Variants in CPVL observed in about 807,000 individuals in gnomAD.
CPVL encodes carboxypeptidase vitellogenic like, also known as probable serine carboxypeptidase CPVL.
In CPVL, 51 loss-of-function variants were observed where a neutral mutation model predicts 63.7. The observed-to-expected ratio is 0.80, with a 90% confidence interval of 0.64 to 1.01. The LOEUF (loss-of-function observed/expected upper bound fraction) is 1.01. Ranked by LOEUF, CPVL falls within the 50% of genes least tolerant of loss-of-function variation. CPVL has a pLI of 0.00. For synonymous variants in CPVL, 195 were observed against 206.0 expected (o/e 0.95, Z 0.46); for missense variants, 530 against 573.1 (o/e 0.92, Z 0.77).
chr7:29,183,511 G>C (rs1321096766), intron 4 of CPVL, among the ~76,000 whole-genome samples: 1 of 151,658 alleles, frequency 6.6e-6, no homozygotes, highest in Non-Finnish European at 1.5e-5. Context: ...CAAGTAGCTG[G>C]GTTTACAAGT....
chr7:29,125,250 C>G (rs575583850), intron 1 of CPVL, among the ~76,000 whole-genome samples: 1 of 152,230 alleles, frequency 6.6e-6, no homozygotes, highest in African/African-American at 2.4e-5. Context: ...ATTAAATGTT[C>G]ATGTGGTCCA....
intron 11 of CPVL, among the ~76,000 whole-genome samples, chr7:29,057,218 A>G (rs1187343787): frequency 1.3e-5 from 2 of 151,982 alleles, no homozygotes; most frequent in Admixed American, 1.3e-4. Context: ...GGCCTCCTGG[A>G]GTGCTGGGAT....
chr7:29,066,153 GA>G (rs763964649), intron 9 of CPVL, 32 bp from the exon 10 acceptor site: 180 of 1,091,252 alleles, frequency 1.6e-4, no homozygotes, highest in South Asian at 8.3e-4. Flanking sequence ...AAGAAAGAAA[GA>G]AAGAAAACAT....
At chr7:29,029,743 G>A (rs376405248) in intron 12 of CPVL, among the ~76,000 whole-genome samples, 4 of 152,126 alleles carry the variant, frequency 2.6e-5, no homozygotes, top group African/African-American at 9.7e-5. Flanking sequence ...TAGCACAGTA[G>A]GGTGACTATA....
chr7:29,097,760 A>G (rs1786590438), intron 3 of CPVL, among the ~76,000 whole-genome samples: 1 of 152,160 alleles, frequency 6.6e-6, no homozygotes, highest in African/African-American at 2.4e-5. Flanking sequence ...GTGATTTAAG[A>G]GTCATTGGAG....
chr7:29,148,885 T>A (rs982662625), upstream of CPVL, among the ~76,000 whole-genome samples: 4 of 152,030 alleles, frequency 2.6e-5, no homozygotes, highest in African/African-American at 9.7e-5. Flanking sequence ...AGGGACCAAA[T>A]GACTCTGCCC....
intron 9 of CPVL, among the ~76,000 whole-genome samples, chr7:29,067,497 T>A (rs1783252895): frequency 6.6e-6 from 1 of 152,106 alleles, no homozygotes; most frequent in Admixed American, 6.5e-5. Context: ...ACTCCACCTA[T>A]GAACCAAGTG....
At chr7:29,062,646 G>T (rs752708955) in intron 11 of CPVL, among the ~76,000 whole-genome samples, 1 of 152,146 alleles carries the variant, frequency 6.6e-6, no homozygotes, top group Non-Finnish European at 1.5e-5. Flanking sequence ...ATTGGCCAGG[G>T]ACTGCCTGGA....
intron 5 of CPVL, among the ~76,000 whole-genome samples, chr7:29,155,066 C>G (rs1359989265): frequency 6.6e-6 from 1 of 152,100 alleles, no homozygotes; most frequent in African/African-American, 2.4e-5. Context: ...GACTTATTCA[C>G]TGTCAGGAGA....
At chr7:29,054,410 C>A (rs1790505194) in intron 11 of CPVL, among the ~76,000 whole-genome samples, 1 of 152,124 alleles carries the variant, frequency 6.6e-6, no homozygotes, top group African/African-American at 2.4e-5. Context: ...AAATGTAGTT[C>A]TAGATTGTTA....
At chr7:29,112,435 G>A (rs1788336726) in intron 3 of CPVL, among the ~76,000 whole-genome samples, 1 of 152,106 alleles carries the variant, frequency 6.6e-6, no homozygotes, top group Non-Finnish European at 1.5e-5. Flanking sequence ...GACTGTGGCA[G>A]GAAGAAGGTG....
chr7:29,003,567 CAAGT>C (rs979079298), intron 12 of CPVL, among the ~76,000 whole-genome samples: 3 of 152,122 alleles, frequency 2.0e-5, no homozygotes, highest in African/African-American at 7.2e-5. Context: ...TATGTGAACA[CAAGT>C]AAGGAGTATC....
intron 4 of CPVL, among the ~76,000 whole-genome samples, chr7:29,182,450 G>A (rs1798181668): frequency 1.3e-5 from 2 of 152,176 alleles, no homozygotes; most frequent in African/African-American, 4.8e-5. Flanking sequence ...AGAAAACGTA[G>A]AAAGTTGTAA....
intron 5 of CPVL, among the ~76,000 whole-genome samples, chr7:29,172,322 C>T (rs245909): frequency 0.67 from 102,323 of 152,062 alleles, 35,431 homozygotes; most frequent in East Asian, 0.99. Flanking sequence ...ATCCAGTTGA[C>T]CAACATTCTG....
intron 6 of CPVL, among the ~76,000 whole-genome samples, chr7:29,087,498 G>T (rs1244458498): frequency 6.6e-6 from 1 of 151,612 alleles, no homozygotes; most frequent in African/African-American, 2.4e-5. Context: ...CTCAAGGAGT[G>T]ATTTCATAAT....
In CPVL at chr7:29,072,050, T is replaced by C. The variant is rs916095483; in HGVS notation, c.733-146A>G. 8 of 961,204 alleles carry C rather than the reference T, an allele frequency of 8.3e-6. No individual in the cohort carries two copies. The Admixed American group carries it at 1.2e-4, about 14-fold the overall frequency. The allele number at this position is 961,204 out of a possible 1,614,324, so 59.5% of individuals were successfully genotyped here. A position where few individuals can be genotyped will look rare whatever the true frequency, so the allele number is the denominator to read the frequency against. ...GGATAATTACATGCACACACACATA[T>C]ACACCCCACAACACACACAACAGAA... On this transcript the variant is annotated intron_variant, in intron 8 of 12. Coordinates refer to ENST00000265394, the MANE Select transcript of CPVL (RefSeq NM_031311.5).
rs1793860468 is a variant in CPVL, at chr7:29,153,277, A to G, written c.-11+28013T>C. The stretch of plus-strand genomic sequence containing the variant: ...CTCCAAAGAAAGAGGCAGGCTTGGA[A>G]ATAAATAAACATCTGTTGATTTAAA... On this transcript the variant is annotated intron_variant, in intron 5 of 16. Transcript: ENST00000409850. 3.3e-5 allele frequency among the ~76,000 whole-genome samples: 5 copies of G among 152,190 alleles called. No homozygotes were observed. The South Asian group carries it at 1.0e-3, about 32-fold the overall frequency.
chr7:29,087,601 T>A (rs1238007732), intron 6 of CPVL, among the ~76,000 whole-genome samples: 1 of 152,166 alleles, frequency 6.6e-6, no homozygotes, highest in African/African-American at 2.4e-5. Context: ...TCAGTAGCTC[T>A]ATGAGTGTTT....
At chr7:29,015,223 CA>C (rs1422484626) in intron 12 of CPVL, among the ~76,000 whole-genome samples, 4 of 152,210 alleles carry the variant, frequency 2.6e-5, no homozygotes, top group African/African-American at 9.7e-5. Context: ...TGGTGGTTAG[CA>C]TGTGCTGCCA....
Sources: allele counts gnomAD v4.1 joint callset (sites outside exome capture counted in the v4.1 genomes callset), GRCh38; gene constraint gnomAD v4.1.1; transcripts MANE v1.5; gene names NCBI Gene and HGNC (gene_info 2026-07-23, HGNC 2026-07-21).